KCNH8: variants seen among roughly 807,000 people sequenced by gnomAD.
The protein encoded by KCNH8 is voltage-gated delayed rectifier potassium channel KCNH8.
KCNH8 carries 70 observed loss-of-function variants against 103.6 expected under a neutral mutation model. That is an observed-to-expected ratio of 0.68 (90% CI 0.56 to 0.82). The LOEUF (loss-of-function observed/expected upper bound fraction) is 0.82, where lower values mean the gene tolerates loss of function less well. Among genes scored for constraint, KCNH8 ranks in the 40% least tolerant of loss-of-function variants. The probability of loss-of-function intolerance (pLI) is 0.00; values close to 1 mark genes in which losing one functional copy is unlikely to be tolerated. For synonymous variants in KCNH8, 498 were observed against 489.4 expected (o/e 1.02, Z -0.23); for missense variants, 1,217 against 1,329.9 (o/e 0.92, Z 1.32).
At chr3:19,167,359 TTTC>T (rs2063296002) in intron 1 of KCNH8, among the ~76,000 whole-genome samples, 1 of 152,250 alleles carries the variant, frequency 6.6e-6, no homozygotes, top group Non-Finnish European at 1.5e-5. Context: ...ATTCAAAACA[TTTC>T]TTCTTATAAA....
At chr3:19,330,717 A>G (rs762159682) in intron 3 of KCNH8, among the ~76,000 whole-genome samples, 10 of 152,188 alleles carry the variant, frequency 6.6e-5, no homozygotes, top group Non-Finnish European at 7.3e-5. Context: ...GGTATCATAT[A>G]GTACAAACAT....
chr3:19,342,505 C>T, intron 3 of KCNH8, 82 bp from the exon 4 acceptor site: 1 of 1,410,754 alleles, frequency 7.1e-7, no homozygotes, highest in Non-Finnish European at 9.6e-7. Context: ...ACAATATGCT[C>T]TTGAAAGGGA....
intron 11 of KCNH8, among the ~76,000 whole-genome samples, chr3:19,480,096 G>C (rs1216646138): frequency 1.3e-5 from 2 of 152,162 alleles, no homozygotes; most frequent in East Asian, 3.9e-4. Flanking sequence ...ACACGGGCTT[G>C]TAAATTCTGA....
intron 11 of KCNH8, among the ~76,000 whole-genome samples, chr3:19,488,361 G>C (rs567086078): frequency 3.7e-4 from 56 of 152,300 alleles, no homozygotes; most frequent in African/African-American, 1.3e-3. Context: ...TTTCTCAGCG[G>C]CTTGTTGCAT....
chr3:19,353,080 C>G (rs2065827349), intron 5 of KCNH8, among the ~76,000 whole-genome samples: 1 of 152,126 alleles, frequency 6.6e-6, no homozygotes, highest in Admixed American at 6.6e-5. Context: ...GATATACAAA[C>G]TACCATCAGA....
chr3:19,520,364 C>T lies in KCNH8; in HGVS notation c.2619+2290C>T, dbSNP rs77179020. 7.2e-5 allele frequency among the ~76,000 whole-genome samples: 11 copies of T among 151,868 alleles called. No homozygotes were observed. In the South Asian group the frequency reaches 1.7e-3, roughly 23 times the overall value. On this transcript the variant is annotated intron_variant, in intron 15 of 15. Coordinates refer to ENST00000328405, the MANE Select transcript of KCNH8 (RefSeq NM_144633.3). ...AAAGGAAAATATCTGATTTATTCTTCGTCGAAGATTAAGTAGAAAAATCTG... is the reference window on the plus strand; with the variant it reads ...AAAGGAAAATATCTGATTTATTCTTTGTCGAAGATTAAGTAGAAAAATCTG...
chr3:19,326,266 C>G (rs1055061306), intron 3 of KCNH8, among the ~76,000 whole-genome samples: 3 of 151,338 alleles, frequency 2.0e-5, no homozygotes, highest in African/African-American at 7.3e-5. Context: ...ATGAAATAAT[C>G]TGCACAACAA....
chr3:19,524,419 G>A (rs1011526965), intron 15 of KCNH8, among the ~76,000 whole-genome samples: 3 of 151,832 alleles, frequency 2.0e-5, no homozygotes, highest in South Asian at 2.1e-4. Context: ...TTAATACTAC[G>A]TTTTGTGGAC....
intron 3 of KCNH8, among the ~76,000 whole-genome samples, chr3:19,290,458 A>G (rs967913139): frequency 6.6e-6 from 1 of 152,054 alleles, no homozygotes; most frequent in Non-Finnish European, 1.5e-5. Context: ...TATCATGAAG[A>G]GTTGTTGAAT....
intron 1 of KCNH8, among the ~76,000 whole-genome samples, chr3:19,253,335 A>G (rs529342380): frequency 2.6e-5 from 4 of 152,170 alleles, no homozygotes; most frequent in African/African-American, 7.2e-5. Context: ...TGGCAGATTC[A>G]GTATATGAAA....
At chr3:19,421,766 A>C (rs184197762) in intron 7 of KCNH8, among the ~76,000 whole-genome samples, 220 of 152,116 alleles carry the variant, frequency 1.4e-3, no homozygotes, top group African/African-American at 5.0e-3. Context: ...TAATCTGTGC[A>C]TTTTTAGCCA....
chr3:19,463,663 A>T (rs992448773), intron 11 of KCNH8, among the ~76,000 whole-genome samples: 8 of 152,290 alleles, frequency 5.3e-5, no homozygotes, highest in African/African-American at 1.7e-4. Context: ...AGTCTTGTGT[A>T]TCCATTTTGC....
At chr3:19,233,068 C>T (rs188555585) in intron 1 of KCNH8, among the ~76,000 whole-genome samples, 6 of 99,920 alleles carry the variant, frequency 6.0e-5, no homozygotes, top group Admixed American at 3.8e-4. Context: ...TCCTCCCCCC[C>T]CCCACCCCAC....
At chr3:19,367,623 A>G (rs751804432) in intron 5 of KCNH8, among the ~76,000 whole-genome samples, 4 of 151,790 alleles carry the variant, frequency 2.6e-5, no homozygotes, top group Non-Finnish European at 4.4e-5. Flanking sequence ...CACTAAACAT[A>G]TGTCTCCTTA....
chr3:19,219,797 C>A (rs923939745), intron 1 of KCNH8, among the ~76,000 whole-genome samples: 3 of 152,162 alleles, frequency 2.0e-5, no homozygotes, highest in Non-Finnish European at 4.4e-5. Context: ...GGTCTGACAT[C>A]ACTTAGCATG....
At chr3:19,437,714 A>G (rs1311684112) in intron 7 of KCNH8, among the ~76,000 whole-genome samples, 1 of 152,228 alleles carries the variant, frequency 6.6e-6, no homozygotes, top group Non-Finnish European at 1.5e-5. Context: ...CCAGACTTCT[A>G]GACTTCTCAC....
At chr3:19,251,727 C>T (rs772526523) in intron 1 of KCNH8, among the ~76,000 whole-genome samples, 1 of 151,998 alleles carries the variant, frequency 6.6e-6, no homozygotes, top group East Asian at 1.9e-4. Flanking sequence ...ATATATAAAG[C>T]ATGTGGGATA....
intron 1 of KCNH8, among the ~76,000 whole-genome samples, chr3:19,205,786 G>A (rs576490274): frequency 3.9e-5 from 6 of 152,072 alleles, no homozygotes; most frequent in Admixed American, 3.9e-4. Flanking sequence ...GAGGCATAAA[G>A]GTGACAAACA....
At chr3:19,503,470 C>T (rs1036745010) in intron 11 of KCNH8, among the ~76,000 whole-genome samples, 3 of 152,128 alleles carry the variant, frequency 2.0e-5, no homozygotes, top group African/African-American at 7.2e-5. Flanking sequence ...TATAAAGACA[C>T]ATGCACACGT....
Sources: gnomAD v4.1 joint callset for allele counts (sites outside exome capture counted in the v4.1 genomes callset) on GRCh38, gnomAD v4.1.1 for gene constraint, MANE v1.5 for transcripts, NCBI Gene and HGNC (gene_info 2026-07-23, HGNC 2026-07-21) for gene names.